CASKIN1: variants seen among roughly 807,000 people sequenced by gnomAD.
The protein encoded by CASKIN1 is caskin-1.
In CASKIN1, 42 loss-of-function variants were observed where a neutral mutation model predicts 117.5. The observed-to-expected ratio is 0.36, with a 90% CI of 0.28 to 0.46. The LOEUF (loss-of-function observed/expected upper bound fraction) is 0.46, where lower values mean the gene tolerates loss of function less well. Ranked by LOEUF, CASKIN1 falls within the 20% of genes least tolerant of loss-of-function variation. The pLI is 1.00. For missense variants in CASKIN1, 2,083 were observed against 2,077.3 expected, an observed-to-expected ratio of 1.00 and a Z score of -0.05; for synonymous variants, 1,148 against 961.7, an observed-to-expected ratio of 1.19 and a Z score of -3.59.
intron 17 of CASKIN1, 23 bp downstream of exon 17, chr16:2,181,768 G>C (rs745898155): frequency 6.2e-7 from 1 of 1,608,530 alleles, no homozygotes; most frequent in East Asian, 2.2e-5. Context: ...GGCTGGGGAC[G>C]AGGGCTGGGG....
At chr16:2,186,953 A>AG in intron 9 of CASKIN1, 25 bp downstream of exon 9, 1 of 1,610,350 alleles carries the variant, frequency 6.2e-7, no homozygotes, top group African/African-American at 1.3e-5. Context: ...CTCCCTGCTG[A>AG]GATGGCCCCT....
intron 16 of CASKIN1, 130 bp downstream of exon 16, chr16:2,183,516 G>T: frequency 1.2e-6 from 1 of 844,050 alleles, no homozygotes; most frequent in Non-Finnish European, 1.8e-6. Context: ...CTGCTAGCAG[G>T]GCATCCTCCA....
chr16:2,195,155 T>C (rs955259690), intron 1 of CASKIN1, among the ~76,000 whole-genome samples: 1 of 152,206 alleles, frequency 6.6e-6, no homozygotes, highest in Admixed American at 6.5e-5. Flanking sequence ...TGAAATCAGC[T>C]CGGGGCCAGC....
rs933196256 is a variant in CASKIN1 at position 2,182,493 on chromosome 16, C to T, written c.1630-564G>A. On this transcript the variant is annotated intron_variant, in intron 16 of 19. Coordinates refer to ENST00000343516, the MANE Select transcript of CASKIN1 (RefSeq NM_020764.4). This position sits in a 1 kb window ranked among gnomAD's most constrained non-coding sequence, Gnocchi z 4.1. Reference sequence around the variant, plus strand: ...CCCGAGCGGCATTCAGGCGTCCACACTTCCAGCTGGAATTCACTCATGCAA... The same window carrying T: ...CCCGAGCGGCATTCAGGCGTCCACATTTCCAGCTGGAATTCACTCATGCAA... 1.3e-5 allele frequency among the ~76,000 whole-genome samples: 2 copies of T among 152,108 alleles called. No homozygotes were observed. Among genetic ancestry groups the T allele is most frequent in the African/African-American group, 4.8e-5 (2 of 41,410 alleles).
In CASKIN1 at chr16:2,184,846, T is replaced by C. The variant is rs2093179008; in HGVS notation, c.1347A>G (p.Pro449=). 6.4e-7 allele frequency: 1 copy of C among 1,563,394 alleles called. No individual in the cohort carries two copies. Among genetic ancestry groups the C allele is most frequent in the Non-Finnish European group, 8.7e-7 (1 of 1,154,622 alleles). Residue 449 remains proline, a synonymous_variant, in exon 14 of 20, where the codon CCA becomes CCG. Transcript: ENST00000343516. ...CATAGACCTGCCCGGCGTGGGCCAC[T>C]GGAGGCTGGGACCGGGCCACACCTG... ...GSAGVARSQP[P]VAHAGQVYGE... is the part of the protein sequence containing the mutation.
At position 2,180,830 on chromosome 16, in the gene CASKIN1, C is replaced by G. The variant is rs781086481; in HGVS notation, c.2538G>C (p.Pro846=). The G allele has an allele frequency of 4.3e-5, 60 of 1,382,020 alleles. 1 individual carries two copies. The South Asian group carries it at 9.8e-4, about 22-fold the overall frequency. 85.6% of individuals were successfully genotyped at this position (1,382,020 alleles called of 1,614,324 possible). ...GTGGGGGCGCAGGCCCCGGGGCAGCCGGCCCCACCTCGCCCTCCACGGGCT... is the reference window on the plus strand; with the variant it reads ...GTGGGGGCGCAGGCCCCGGGGCAGCGGGCCCCACCTCGCCCTCCACGGGCT... The part of the protein sequence containing the change: ...LPQPVEGEVG[P]AAPGPAPPPV... Residue 846 remains proline, a synonymous_variant, in exon 18 of 20, where the codon CCG becomes CCC. Coordinates refer to ENST00000343516, the MANE Select transcript of CASKIN1 (RefSeq NM_020764.4).
In CASKIN1 at chr16:2,191,757, C is replaced by T. The variant is rs544379236; in HGVS notation, c.95-1399G>A. On this transcript the variant is annotated intron_variant, in intron 1 of 19. Transcript: ENST00000343516. Reference sequence around the variant, plus strand: ...TCCTGACCATGGCCCAGGCCAAAACCTTGGAGCCAGGCCTGGGGCCTTTCC... The same window carrying T: ...TCCTGACCATGGCCCAGGCCAAAACTTTGGAGCCAGGCCTGGGGCCTTTCC... 2.0e-5 allele frequency among the ~76,000 whole-genome samples: 3 copies of T among 152,352 alleles called. No individual in the cohort carries two copies. The East Asian group carries it at 5.8e-4, about 29-fold the overall frequency.
intron 1 of CASKIN1, among the ~76,000 whole-genome samples, chr16:2,193,247 C>T (rs1266613613): frequency 6.6e-6 from 1 of 152,176 alleles, no homozygotes; most frequent in Non-Finnish European, 1.5e-5. Context: ...GAACTCCCGA[C>T]CTCAGGTGAT....
chr16:2,180,017 C>A lies in CASKIN1; in HGVS notation c.3351G>T (p.Lys1117Asn), dbSNP rs771337346. The part of the protein sequence containing the change: ...EAGVEGPPLA[K>N]VEASATLKRR... ...TCTTGAGTGTGGCGCTGGCTTCCAC[C>A]TTGGCCAAGGGCGGGCCTTCGACAC... The change falls in exon 18 of 20, where the codon AAG (lysine) becomes AAT (asparagine). Residue 1117 changes from lysine (K) to asparagine (N), a missense_variant. This residue lies in a region of CASKIN1 where 1,818 missense variants were observed against 1,688.9 expected (regional missense o/e 1.08). Transcript: ENST00000343516. The A allele has an allele frequency of 6.3e-7, 1 of 1,597,484 alleles. No individual in the cohort carries two copies. Among genetic ancestry groups the A allele is most frequent in the Non-Finnish European group, 8.5e-7 (1 of 1,172,210 alleles).
At chr16:2,190,847 C>T (rs566831548) in intron 1 of CASKIN1, among the ~76,000 whole-genome samples, 3 of 152,308 alleles carry the variant, frequency 2.0e-5, no homozygotes, top group South Asian at 2.1e-4. Flanking sequence ...GCGTCTCCAC[C>T]GTGCAGCACC....
At chr16:2,178,669 C>A (rs1567256626) in intron 19 of CASKIN1, 23 bp from the exon 20 acceptor site, 5 of 1,564,576 alleles carry the variant, frequency 3.2e-6, no homozygotes, top group Middle Eastern at 2.2e-4. Flanking sequence ...GGGCAAGGGG[C>A]GTGAGTGGGC....
In CASKIN1 at chr16:2,178,274, C is replaced by T. The variant is rs111717664; in HGVS notation, c.*276G>A. 4 of 393,898 alleles carry T rather than the reference C, an allele frequency of 1.0e-5. No homozygotes were observed. The highest frequency in any genetic ancestry group is 5.7e-5 in the South Asian group (2 of 34,796). The allele number at this position is 393,898 out of a possible 1,614,324, so 24.4% of individuals were successfully genotyped here. ...CGCTGCCCCATCCCTGGTCCCGGGG[C>T]GCCCTCCCCTCCCGCGCGGGCAGGA... On this transcript the variant is annotated 3_prime_UTR_variant, in exon 20 of 20. Transcript: ENST00000343516.
Position 2,180,552 on chromosome 16 carries a change from C to A in CASKIN1, c.2816G>T (p.Arg939Leu). The A allele has an allele frequency of 6.5e-7, 1 of 1,548,910 alleles. No homozygotes were observed. The highest frequency in any genetic ancestry group is 8.7e-7 in the Non-Finnish European group (1 of 1,153,786). The change falls in exon 18 of 20, where the codon CGG becomes CTG. Residue 939 changes from arginine (R) to leucine (L), a missense_variant. This residue lies in a region of CASKIN1 where 1,818 missense variants were observed against 1,688.9 expected (regional missense o/e 1.08). Coordinates refer to ENST00000343516, the MANE Select transcript of CASKIN1 (RefSeq NM_020764.4). The stretch of plus-strand genomic sequence containing the variant: ...CGGCGGGGGCCCCTTCTTTCGGGGC[C>A]GCACGGCAAAGGACTGGCTGCGGTT... ...NVNRSQSFAVRPRKKGPPPPP... is the reference protein window; with the variant it reads ...NVNRSQSFAVLPRKKGPPPPP...
Position 2,178,538 on chromosome 16 carries a change from G to T in CASKIN1, c.*12C>A, listed in dbSNP as rs748967637. The T allele has an allele frequency of 1.3e-6, 2 of 1,568,020 alleles. No individual in the cohort carries two copies. The highest frequency in any genetic ancestry group is 1.7e-6 in the Non-Finnish European group (2 of 1,164,206). The stretch of plus-strand genomic sequence containing the variant: ...GGCCCGGGCGGCGCGGGAGGGCCCG[G>T]CCAGGCGGCGTTCACTCCAGCATGG... On this transcript the variant is annotated 3_prime_UTR_variant, in exon 20 of 20. Transcript: ENST00000343516.
At position 2,187,088 on chromosome 16, in the gene CASKIN1, G is replaced by A. The variant is rs535384552; in HGVS notation, c.836-16C>T. 2 of 1,613,216 alleles carry A rather than the reference G, an allele frequency of 1.2e-6. No individual in the cohort carries two copies. Among genetic ancestry groups the A allele is most frequent in the Non-Finnish European group, 1.7e-6 (2 of 1,179,814 alleles). On this transcript the variant is annotated splice_polypyrimidine_tract_variant and intron_variant, in intron 8 of 19. Transcript: ENST00000343516. ...GCTGAGGCCTCTGGGGATACAGGAGGGGGCCCCCGAAGTCCTGCGGGCTGA... is the reference window on the plus strand; with the variant it reads ...GCTGAGGCCTCTGGGGATACAGGAGAGGGCCCCCGAAGTCCTGCGGGCTGA...
Position 2,178,390 on chromosome 16 carries a change from GT to G in CASKIN1, c.*159del, listed in dbSNP as rs2093150947. 1 of 484,138 alleles carries G rather than the reference GT, an allele frequency of 2.1e-6. No individual in the cohort carries two copies. The highest frequency in any genetic ancestry group is 2.1e-5 in the African/African-American group (1 of 47,784). 30.0% of individuals were successfully genotyped at this position (484,138 alleles called of 1,614,324 possible). ...AGCCCTTGGAGCCCCCGGCCAGGCGGTCCCCGGTGGGCGCCCCGGCCCGGGT... is the reference window on the plus strand; with the variant it reads ...AGCCCTTGGAGCCCCCGGCCAGGCGGCCCCGGTGGGCGCCCCGGCCCGGGT... On this transcript the variant is annotated 3_prime_UTR_variant, in exon 20 of 20. Coordinates refer to ENST00000343516, the MANE Select transcript of CASKIN1 (RefSeq NM_020764.4).
Position 2,178,491 on chromosome 16 carries a change from G to A in CASKIN1, c.*59C>T, listed in dbSNP as rs1310086140. The A allele has an allele frequency of 7.2e-6, 10 of 1,384,582 alleles. No homozygotes were observed. The highest frequency in any genetic ancestry group is 1.5e-5 in the African/African-American group (1 of 66,116). 85.8% of individuals were successfully genotyped at this position (1,384,582 alleles called of 1,614,324 possible). A position where few individuals can be genotyped will look rare whatever the true frequency, so the allele number is the denominator to read the frequency against. The stretch of plus-strand genomic sequence containing the variant: ...CGCGCCCAGACGCGCCCATCCTGAG[G>A]TATAGGTCAGTGTGCGGGGAGGGCC... On this transcript the variant is annotated 3_prime_UTR_variant, in exon 20 of 20. Transcript: ENST00000343516.
Position 2,179,614 on chromosome 16 carries a change from G to A in CASKIN1, c.3754C>T (p.Leu1252=). The change falls in exon 18 of 20, where the codon CTG becomes TTG. Residue 1252 remains leucine, a synonymous_variant. Transcript: ENST00000343516. The surrounding 1 kb of genome is among the most constrained non-coding windows in gnomAD (Gnocchi z 5.8). ...SPTPTSKKVP[L]PGPGSPEVKR... ...CTACCTGGGCTGCCAGGGCCTGGCAGCGGCACCTTCTTGGAGGTGGGTGTG... is the reference window on the plus strand; with the variant it reads ...CTACCTGGGCTGCCAGGGCCTGGCAACGGCACCTTCTTGGAGGTGGGTGTG... The A allele has an allele frequency of 1.4e-6, 2 of 1,457,726 alleles. No individual in the cohort carries two copies. Among genetic ancestry groups the A allele is most frequent in the Non-Finnish European group, 1.8e-6 (2 of 1,110,798 alleles). 90.3% of individuals were successfully genotyped at this position (1,457,726 alleles called of 1,614,324 possible).
rs1696474338 is a variant in CASKIN1 at position 2,179,184 on chromosome 16, T to A, written c.3917A>T (p.Gln1306Leu). The change falls in exon 19 of 20, where the codon CAG becomes CTG. Residue 1306 changes from glutamine (Q) to leucine (L), a missense_variant. Transcript: ENST00000343516. This position sits in a 1 kb window ranked among gnomAD's most constrained non-coding sequence, Gnocchi z 5.8. ...CGGCTTGGCGAGGGCGGCGGGCGGCTGTCGCGCGGGCGAGGGTGCGGGTGA... is the reference window on the plus strand; with the variant it reads ...CGGCTTGGCGAGGGCGGCGGGCGGCAGTCGCGCGGGCGAGGGTGCGGGTGA... ...GPSPAPSPAR[Q>L]PPAALAKPPG... 2 of 1,129,070 alleles carry A rather than the reference T, an allele frequency of 1.8e-6. No individual in the cohort carries two copies. Among genetic ancestry groups the A allele is most frequent in the Non-Finnish European group, 2.2e-6 (2 of 922,406 alleles). 69.9% of individuals were successfully genotyped at this position (1,129,070 alleles called of 1,614,324 possible).
Sources: gnomAD v4.1 joint callset for allele counts (sites outside exome capture counted in the v4.1 genomes callset) on GRCh38, gnomAD v4.1.1 for gene constraint, gnomAD v4.1.1 regional missense constraint, Gnocchi (gnomAD v3.1) non-coding constraint, MANE v1.5 for transcripts, NCBI Gene and HGNC (gene_info 2026-07-23, HGNC 2026-07-21) for gene names.